MAP7D2: variants seen among roughly 807,000 people sequenced by gnomAD.
The protein encoded by MAP7D2 is MAP7 domain-containing protein 2.
MAP7D2 carries 33 observed loss-of-function variants against 63.5 expected under a neutral mutation model. The observed-to-expected ratio is 0.52, with a 90% confidence interval of 0.39 to 0.70. MAP7D2 has a LOEUF of 0.70. Ranked by LOEUF, MAP7D2 falls within the 30% of genes least tolerant of loss-of-function variation. The pLI, the probability that MAP7D2 is intolerant of heterozygous loss-of-function variation, is 0.00. For synonymous variants in MAP7D2, 224 were observed against 223.7 expected, an observed-to-expected ratio of 1.00 and a Z score of -0.01; for missense variants, 626 against 604.0, an observed-to-expected ratio of 1.04 and a Z score of -0.38.
At chrX:20,013,546 A>T in intron 13 of MAP7D2, 23 bp downstream of exon 13, 2 of 1,156,999 alleles carry the variant, frequency 1.7e-6, no homozygotes, top group Non-Finnish European at 2.3e-6. Flanking sequence ...ATAAACTATT[A>T]AAATGGTCAT....
At chrX:20,056,198 T>C (rs2065065024) in intron 4 of MAP7D2, among the ~76,000 whole-genome samples, 1 of 112,235 alleles carries the variant, frequency 8.9e-6, no homozygotes, top group Non-Finnish European at 1.9e-5. Context: ...GAGTTTGAAC[T>C]GGTAATGAAA....
chrX:20,023,657 TC>T (rs2073736107), intron 10 of MAP7D2, among the ~76,000 whole-genome samples: 1 of 111,481 alleles, frequency 9.0e-6, no homozygotes, highest in Non-Finnish European at 1.9e-5. Context: ...GTAAAGAACA[TC>T]ACCTTCTTTA....
chrX:20,105,218 AAGT>A (rs1285478651), intron 1 of MAP7D2, among the ~76,000 whole-genome samples: 1 of 111,492 alleles, frequency 9.0e-6, no homozygotes, highest in African/African-American at 3.3e-5. Flanking sequence ...TAAATACAGA[AAGT>A]AGGAGAGAAA....
At position 20,010,987 on chromosome X, in the gene MAP7D2, C is replaced by G. The variant is rs1214038106; in HGVS notation, c.2138G>C (p.Gly713Ala). 4.1e-6 allele frequency: 5 copies of G among 1,208,424 alleles called. No homozygotes were observed. Among genetic ancestry groups the G allele is most frequent in the Non-Finnish European group, 5.6e-6 (5 of 894,124 alleles). The change falls in exon 16 of 17, where the codon GGG becomes GCG. Residue 713 changes from glycine to alanine, a missense_variant. Physicochemically the swap from Gly to Ala is moderately conservative, Grantham distance 60. Transcript: ENST00000379643. The part of the protein sequence containing the change: ...EFSPVSEMIP[G>A]VSLDQNGTGN... ...AGTTCCATTTTGGTCCAGAGACACCCCAGGAATCATTTCACTCACTGGTGA... is the reference window on the plus strand; with the variant it reads ...AGTTCCATTTTGGTCCAGAGACACCGCAGGAATCATTTCACTCACTGGTGA...
intron 8 of MAP7D2, among the ~76,000 whole-genome samples, chrX:20,032,806 C>T (rs1041231231): frequency 8.9e-6 from 1 of 112,154 alleles, no homozygotes; most frequent in Admixed American, 9.5e-5. Flanking sequence ...CTATAAAATA[C>T]AGCAGACAAG....
intron 4 of MAP7D2, among the ~76,000 whole-genome samples, chrX:20,053,798 A>C (rs1212911648): frequency 8.9e-6 from 1 of 112,291 alleles, no homozygotes; most frequent in Non-Finnish European, 1.9e-5. Context: ...GAGAACTGCC[A>C]TAAGAACTGC....
intron 8 of MAP7D2, among the ~76,000 whole-genome samples, chrX:20,037,925 C>G (rs1467094747): frequency 1.8e-5 from 2 of 111,760 alleles, no homozygotes; most frequent in Middle Eastern, 4.7e-3. Flanking sequence ...CCCCAGCCAC[C>G]TCTGTCATTG....
chrX:20,010,802 G>T lies in MAP7D2; in HGVS notation c.*1C>A, dbSNP rs1274188420. The T allele has an allele frequency of 5.8e-6, 7 of 1,204,504 alleles. No homozygotes were observed. The South Asian group carries it at 1.1e-4, about 18-fold the overall frequency. ...CTTTTATTAAAGGGATGCTGTATTTGTCAACAGAAGGTGTTGAGAGGAGTT... is the reference window on the plus strand; with the variant it reads ...CTTTTATTAAAGGGATGCTGTATTTTTCAACAGAAGGTGTTGAGAGGAGTT... On this transcript the variant is annotated 3_prime_UTR_variant, in exon 16 of 17. Transcript: ENST00000379643.
rs775361292 is a variant in MAP7D2, at chrX:20,010,919, G to A, written c.2206C>T (p.Pro736Ser). The part of the protein sequence containing the change: ...ALQDLLDFTG[P>S]PTFPKRSSEN... ...CTGGATCTCTTGGGGAATGTCGGGGGACCAGTGAAATCTAAGAGATCTTGA... is the reference window on the plus strand; with the variant it reads ...CTGGATCTCTTGGGGAATGTCGGGGAACCAGTGAAATCTAAGAGATCTTGA... The change falls in exon 16 of 17, where the codon CCC becomes TCC. Residue 736 changes from proline to serine, a missense_variant. By Grantham distance (74) the Pro-to-Ser change is moderately conservative (BLOSUM62 -1). Coordinates refer to ENST00000379643, the MANE Select transcript of MAP7D2 (RefSeq NM_001168465.2). 4.0e-5 allele frequency: 48 copies of A among 1,209,201 alleles called. 2 individuals carry two copies. The Admixed American group carries it at 9.4e-4, about 24-fold the overall frequency.
At chrX:20,114,137 G>A (rs910222758) in intron 1 of MAP7D2, among the ~76,000 whole-genome samples, 1 of 112,050 alleles carries the variant, frequency 8.9e-6, no homozygotes, top group Non-Finnish European at 1.9e-5. Context: ...GGGTTCAAGC[G>A]ATCCTATGCC....
In MAP7D2 at chrX:20,116,845, G is replaced by A. The variant is rs370492701; in HGVS notation, c.35C>T (p.Ser12Phe). ...TCCCCGCGCAGTCCCCTCAGGCCGG[G>A]ATCCCGTCCCGGAGCCGCCGCCGCC... Reference protein sequence around the residue: ...ERGGGGSGTGSRPEGTARGTS... With the variant: ...ERGGGGSGTGFRPEGTARGTS... The change falls in exon 1 of 17, where the codon TCC becomes TTC. Residue 12 changes from serine (S) to phenylalanine (F), a missense_variant. Transcript: ENST00000379643. The A allele has an allele frequency of 4.5e-5, 52 of 1,162,065 alleles. No homozygotes were observed. The highest frequency in any genetic ancestry group is 5.5e-5 in the African/African-American group (3 of 54,672).
At chrX:20,020,316 C>T (rs551140118) in intron 10 of MAP7D2, among the ~76,000 whole-genome samples, 2 of 111,082 alleles carry the variant, frequency 1.8e-5, no homozygotes, top group East Asian at 2.8e-4. Flanking sequence ...GCTCATGTCT[C>T]GGGAATCACA....
chrX:20,015,658 C>T (rs762579175), intron 11 of MAP7D2, among the ~76,000 whole-genome samples: 2 of 112,368 alleles, frequency 1.8e-5, no homozygotes, highest in East Asian at 5.6e-4. Context: ...CTTCTACTAC[C>T]GTGAAGGGCA....
chrX:20,065,370 G>A (rs1334654124), intron 1 of MAP7D2, among the ~76,000 whole-genome samples: 3 of 107,787 alleles, frequency 2.8e-5, no homozygotes, highest in African/African-American at 6.8e-5. Context: ...AGGTTCAAGC[G>A]ATTCTCCTGC....
At chrX:20,081,246 T>C (rs1299652303) in intron 1 of MAP7D2, among the ~76,000 whole-genome samples, 1 of 111,931 alleles carries the variant, frequency 8.9e-6, no homozygotes, top group Admixed American at 9.5e-5. Context: ...TATGTGTGTT[T>C]AATAACATGA....
intron 16 of MAP7D2, among the ~76,000 whole-genome samples, chrX:20,009,174 T>C (rs375779551): frequency 2.7e-4 from 30 of 111,053 alleles, no homozygotes; most frequent in East Asian, 2.0e-3. Context: ...ACTTGTCTTA[T>C]AGGCAAGAGC....
chrX:20,023,461 G>A (rs1230719428), intron 10 of MAP7D2, among the ~76,000 whole-genome samples: 1 of 112,532 alleles, frequency 8.9e-6, no homozygotes, highest in African/African-American at 3.2e-5. Flanking sequence ...AGAGAAGCAA[G>A]GGCAAGCTTG....
chrX:20,063,312 G>A (rs1426714235), intron 3 of MAP7D2, 102 bp downstream of exon 3: 19 of 921,208 alleles, frequency 2.1e-5, no homozygotes, highest in South Asian at 2.5e-5. Flanking sequence ...GAAGGTGCAC[G>A]GCAGGTCTCT....
At chrX:20,047,502 C>G (rs1326328639) in intron 6 of MAP7D2, among the ~76,000 whole-genome samples, 1 of 110,843 alleles carries the variant, frequency 9.0e-6, no homozygotes, top group African/African-American at 3.3e-5. Flanking sequence ...GAGGAGGCCA[C>G]CTGGCTGCCT....
Sources: allele counts gnomAD v4.1 joint callset (sites outside exome capture counted in the v4.1 genomes callset), GRCh38; gene constraint gnomAD v4.1.1; transcripts MANE v1.5; gene names NCBI Gene and HGNC (gene_info 2026-07-23, HGNC 2026-07-21).